Variants in ITGA9 observed in about 807,000 individuals in gnomAD.
The protein encoded by ITGA9 is integrin subunit alpha 9.
In ITGA9, 56 loss-of-function variants were observed where a neutral mutation model predicts 127.8. The ratio of observed to expected loss-of-function variants is 0.44; its 90% confidence interval spans 0.35 to 0.55. The LOEUF (loss-of-function observed/expected upper bound fraction) is 0.55. Ranked by LOEUF, ITGA9 falls within the 20% of genes least tolerant of loss-of-function variation. ITGA9 has a pLI of 0.00. For synonymous variants in ITGA9, 508 were observed against 514.5 expected (o/e 0.99, Z 0.17); for missense variants, 1,196 against 1,347.1 (o/e 0.89, Z 1.76).
chr3:37,492,526 A>G (rs1039397023), intron 4 of ITGA9, among the ~76,000 whole-genome samples: 1 of 152,174 alleles, frequency 6.6e-6, no homozygotes, highest in East Asian at 1.9e-4. Flanking sequence ...CCCAACATAG[A>G]CCACACCAAG....
Position 37,471,879 on chromosome 3 carries a change from G to A in ITGA9, c.313+745G>A, listed in dbSNP as rs147535217. Among the ~76,000 whole-genome samples the A allele has an allele frequency of 4.8e-3, 727 of 152,142 alleles. 5 individuals are homozygous for A. The highest frequency in any genetic ancestry group is 0.017 in the African/African-American group (702 of 41,528). On this transcript the variant is annotated intron_variant, in intron 2 of 27. Coordinates refer to ENST00000264741, the MANE Select transcript of ITGA9 (RefSeq NM_002207.3). Reference sequence around the variant, plus strand: ...GACCAGCCTGTGCAACATGGTGAAAGCCTATCTCTACTAAAAATACAAATA... The same window carrying A: ...GACCAGCCTGTGCAACATGGTGAAAACCTATCTCTACTAAAAATACAAATA...
At chr3:37,645,476 G>A (rs749029121) in intron 16 of ITGA9, among the ~76,000 whole-genome samples, 13 of 152,094 alleles carry the variant, frequency 8.5e-5, no homozygotes, top group Admixed American at 6.5e-5. Flanking sequence ...GCTGAGGCAC[G>A]AGACTTGAAC....
At chr3:37,764,671 A>G (rs996176945) in intron 23 of ITGA9, among the ~76,000 whole-genome samples, 3 of 152,100 alleles carry the variant, frequency 2.0e-5, no homozygotes, top group African/African-American at 2.4e-5. Flanking sequence ...TGCCCTTGCT[A>G]GTGACTTCTC....
chr3:37,763,845 AT>A (rs897305657), intron 23 of ITGA9, among the ~76,000 whole-genome samples: 4 of 151,772 alleles, frequency 2.6e-5, no homozygotes, highest in African/African-American at 9.7e-5. Context: ...TTCACCCTCA[AT>A]TTTTTTTGTG....
chr3:37,811,731 G>A (rs1281865807), intron 27 of ITGA9, among the ~76,000 whole-genome samples: 1 of 152,224 alleles, frequency 6.6e-6, no homozygotes, highest in Non-Finnish European at 1.5e-5. Flanking sequence ...ATGGTTTGGA[G>A]CAAAGGGAAG....
chr3:37,583,342 C>A (rs1699727693), intron 15 of ITGA9, among the ~76,000 whole-genome samples: 1 of 152,098 alleles, frequency 6.6e-6, no homozygotes, highest in African/African-American at 2.4e-5. Context: ...ATGTTGAGCA[C>A]CTAGAAAACA....
intron 17 of ITGA9, among the ~76,000 whole-genome samples, chr3:37,671,453 C>G (rs1237453163): frequency 6.6e-6 from 1 of 152,224 alleles, no homozygotes; most frequent in Non-Finnish European, 1.5e-5. Flanking sequence ...CCAAAGTCAG[C>G]TGGGCAGGGA....
intron 4 of ITGA9, among the ~76,000 whole-genome samples, chr3:37,490,760 T>C (rs577003725): frequency 1.4e-4 from 22 of 152,272 alleles, no homozygotes; most frequent in African/African-American, 5.3e-4. Flanking sequence ...AGACAGGGCT[T>C]AATAAAACCA....
chr3:37,554,695 C>T (rs1699413075), intron 15 of ITGA9, among the ~76,000 whole-genome samples: 1 of 151,908 alleles, frequency 6.6e-6, no homozygotes, highest in African/African-American at 2.4e-5. Flanking sequence ...AAGGGGGATC[C>T]TACAGCATTT....
chr3:37,743,866 A>T lies in ITGA9; in HGVS notation c.2325-60A>T. 3 of 1,108,012 alleles carry T rather than the reference A, an allele frequency of 2.7e-6. 1 individual carries two copies. The South Asian group carries it at 3.7e-5, about 14-fold the overall frequency. The allele number at this position is 1,108,012 out of a possible 1,614,324, so 68.6% of individuals were successfully genotyped here. ...ACAAATGTTTGCTTCTCAGAATGGC[A>T]GTGACCATGGGTGCTTGACTGTGGG... On this transcript the variant is annotated intron_variant, in intron 21 of 27. Transcript: ENST00000264741.
At chr3:37,628,910 A>G (rs556752295) in intron 15 of ITGA9, among the ~76,000 whole-genome samples, 9 of 152,308 alleles carry the variant, frequency 5.9e-5, no homozygotes, top group Admixed American at 5.9e-4. Context: ...GAGTAAAGTA[A>G]TGTCTTCCAT....
intron 16 of ITGA9, among the ~76,000 whole-genome samples, chr3:37,641,967 T>G (rs1700338158): frequency 6.6e-6 from 1 of 152,200 alleles, no homozygotes; most frequent in Non-Finnish European, 1.5e-5. Context: ...ACACAGGGTC[T>G]CATTCTGTCA....
At chr3:37,660,820 G>A (rs1484487292) in intron 17 of ITGA9, among the ~76,000 whole-genome samples, 10 of 152,364 alleles carry the variant, frequency 6.6e-5, no homozygotes, top group Middle Eastern at 3.4e-3. Flanking sequence ...TCAGCAGAGG[G>A]TAGGTTCTAG....
At chr3:37,717,908 A>G (rs1701151609) in intron 18 of ITGA9, among the ~76,000 whole-genome samples, 2 of 152,232 alleles carry the variant, frequency 1.3e-5, no homozygotes, top group Non-Finnish European at 2.9e-5. Context: ...AATAACAATG[A>G]GCTGTAAAAT....
At chr3:37,568,580 A>C (rs1699571535) in intron 15 of ITGA9, among the ~76,000 whole-genome samples, 1 of 152,206 alleles carries the variant, frequency 6.6e-6, no homozygotes, top group South Asian at 2.1e-4. Context: ...ATTTAACAGC[A>C]CCCAAGTCAC....
At chr3:37,533,845 C>T (rs1699182744) in intron 14 of ITGA9, among the ~76,000 whole-genome samples, 1 of 152,136 alleles carries the variant, frequency 6.6e-6, no homozygotes, top group African/African-American at 2.4e-5. Context: ...TTGGAGGCTC[C>T]TTATTGAGCT....
At chr3:37,502,024 G>T (rs754168028) in intron 5 of ITGA9, among the ~76,000 whole-genome samples, 1 of 152,092 alleles carries the variant, frequency 6.6e-6, no homozygotes, top group Non-Finnish European at 1.5e-5. Context: ...TTCCATTATC[G>T]TATCACCCAG....
intron 17 of ITGA9, among the ~76,000 whole-genome samples, chr3:37,682,330 C>T (rs1343413962): frequency 2.0e-5 from 3 of 152,232 alleles, no homozygotes; most frequent in African/African-American, 7.2e-5. Context: ...AGGCTGATTC[C>T]AATGGCCAGT....
intron 18 of ITGA9, among the ~76,000 whole-genome samples, chr3:37,729,442 T>A (rs1159794352): frequency 6.6e-6 from 1 of 152,150 alleles, no homozygotes; most frequent in Non-Finnish European, 1.5e-5. Context: ...AATTTTGAAA[T>A]TTTTATTTGA....
Sources: allele counts gnomAD v4.1 joint callset (sites outside exome capture counted in the v4.1 genomes callset), GRCh38; gene constraint gnomAD v4.1.1; transcripts MANE v1.5; gene names NCBI Gene and HGNC (gene_info 2026-07-23, HGNC 2026-07-21).